The following NAV3 variants were observed in gnomAD, a reference collection of about 807,000 sequenced individuals.
NAV3 encodes the protein pore membrane and/or filament interacting like protein 1.
NAV3 carries 87 observed loss-of-function variants against 244.7 expected under a neutral mutation model. That is an observed-to-expected ratio of 0.36 (90% CI 0.30 to 0.42). The LOEUF (loss-of-function observed/expected upper bound fraction) is 0.42. Ranked by LOEUF, NAV3 falls within the 20% of genes least tolerant of loss-of-function variation. NAV3 has a pLI of 1.00. For synonymous variants in NAV3, 1,126 were observed against 1,042.2 expected, an observed-to-expected ratio of 1.08 and a Z score of -1.55; for missense variants, 2,663 against 2,893.3, an observed-to-expected ratio of 0.92 and a Z score of 1.83.
At chr12:77,900,987 G>C (rs1357727974) in intron 1 of NAV3, among the ~76,000 whole-genome samples, 1 of 152,102 alleles carries the variant, frequency 6.6e-6, no homozygotes, top group African/African-American at 2.4e-5. Flanking sequence ...TGATTAGTGA[G>C]GTGGAACATT....
chr12:77,957,751 G>C (rs1891504475), intron 3 of NAV3, among the ~76,000 whole-genome samples: 1 of 151,674 alleles, frequency 6.6e-6, no homozygotes, highest in Non-Finnish European at 1.5e-5. Context: ...TGCAACCTTT[G>C]CCTCGCAGGT....
At chr12:78,193,429 T>A (rs1404825950) in intron 34 of NAV3, among the ~76,000 whole-genome samples, 2 of 152,164 alleles carry the variant, frequency 1.3e-5, no homozygotes, top group African/African-American at 2.4e-5. Context: ...CCTGATAGAT[T>A]CCTTTTTAGT....
intron 2 of NAV3, among the ~76,000 whole-genome samples, chr12:77,630,616 A>G (rs1443848124): frequency 6.6e-6 from 1 of 152,164 alleles, no homozygotes; most frequent in Non-Finnish European, 1.5e-5. Context: ...TGTGAAATGC[A>G]TTAAAGACGT....
rs539213029 is a variant in NAV3, at chr12:77,888,426, G to A, written c.244-51893G>A. Among the ~76,000 whole-genome samples, 7 of 152,194 alleles carry A rather than the reference G, an allele frequency of 4.6e-5. No individual in the cohort carries two copies. In the East Asian group the frequency reaches 7.7e-4, roughly 17 times the overall value. On this transcript the variant is annotated intron_variant, in intron 1 of 39. Coordinates refer to ENST00000397909, the MANE Select transcript of NAV3 (RefSeq NM_001024383.2). ...TAGGAGGTCAAGACTGCAGTGAGCC[G>A]CGATCATGTCACTGCACTCCAGCCT...
chr12:78,079,077 T>C (rs983426976), intron 12 of NAV3, among the ~76,000 whole-genome samples: 3 of 152,144 alleles, frequency 2.0e-5, no homozygotes, highest in Admixed American at 6.6e-5. Context: ...AAAATAAAAC[T>C]GTTATTTGAA....
chr12:77,686,040 T>C (rs1249327301), intron 2 of NAV3, among the ~76,000 whole-genome samples: 1 of 152,190 alleles, frequency 6.6e-6, no homozygotes, highest in Non-Finnish European at 1.5e-5. Flanking sequence ...TTTGACTCTC[T>C]AGATGTGGAA....
chr12:77,575,546 A>T (rs758068941), intron 2 of NAV3, among the ~76,000 whole-genome samples: 1 of 152,152 alleles, frequency 6.6e-6, no homozygotes, highest in South Asian at 2.1e-4. Context: ...TGTTTGCACA[A>T]TCAAATCCAG....
At chr12:77,619,634 G>A (rs1871282746) in intron 2 of NAV3, among the ~76,000 whole-genome samples, 1 of 152,120 alleles carries the variant, frequency 6.6e-6, no homozygotes. Context: ...GGCATTAATT[G>A]TTTTTGGACT....
At chr12:77,778,469 A>G (rs376980788) in intron 2 of NAV3, among the ~76,000 whole-genome samples, 12 of 151,544 alleles carry the variant, frequency 7.9e-5, no homozygotes, top group Non-Finnish European at 1.5e-4. Context: ...AAAATTAGCC[A>G]GGCATGGTGG....
chr12:78,164,305 C>T (rs914682885), intron 23 of NAV3, among the ~76,000 whole-genome samples: 14 of 151,996 alleles, frequency 9.2e-5, no homozygotes, highest in African/African-American at 3.4e-4. Flanking sequence ...AGTGATGAAG[C>T]TCAGATATTG....
intron 11 of NAV3, chr12:78,052,294 T>C (rs1882870932): frequency 6.6e-6 from 1 of 152,204 alleles, no homozygotes; most frequent in Admixed American, 6.5e-5. Context: ...TACTAGTCCA[T>C]TCCTGGTATC....
At chr12:77,722,257 A>C (rs1328115932) in intron 2 of NAV3, among the ~76,000 whole-genome samples, 1 of 152,086 alleles carries the variant, frequency 6.6e-6, no homozygotes, top group Non-Finnish European at 1.5e-5. Flanking sequence ...CTGGGCTGTG[A>C]CTAACATACT....
chr12:77,808,271 T>C (rs188854616), intron 2 of NAV3, among the ~76,000 whole-genome samples: 2 of 152,274 alleles, frequency 1.3e-5, no homozygotes, highest in Non-Finnish European at 2.9e-5. Flanking sequence ...GTTTTTGGAA[T>C]TTTCTGCCTT....
At chr12:77,587,609 T>G (rs1358423230) in intron 2 of NAV3, among the ~76,000 whole-genome samples, 1 of 152,214 alleles carries the variant, frequency 6.6e-6, no homozygotes, top group Non-Finnish European at 1.5e-5. Context: ...ATTATAGAAG[T>G]TCATTTTCAT....
At chr12:78,190,449 A>G (rs1046958513) in intron 34 of NAV3, among the ~76,000 whole-genome samples, 1 of 152,062 alleles carries the variant, frequency 6.6e-6, no homozygotes, top group African/African-American at 2.4e-5. Flanking sequence ...TATTGGGAAT[A>G]TACAGAATAA....
At chr12:78,162,199 G>A (rs1281630546) in intron 23 of NAV3, among the ~76,000 whole-genome samples, 1 of 152,018 alleles carries the variant, frequency 6.6e-6, no homozygotes, top group East Asian at 1.9e-4. Flanking sequence ...ATTTCTTCAG[G>A]GAGCTGAGAT....
At chr12:77,762,822 T>G (rs1299416721) in intron 2 of NAV3, among the ~76,000 whole-genome samples, 2 of 152,116 alleles carry the variant, frequency 1.3e-5, no homozygotes, top group Admixed American at 6.5e-5. Context: ...TTGTTACTAC[T>G]CTAGACAATA....
At chr12:77,633,894 G>T (rs1392642358) in intron 2 of NAV3, among the ~76,000 whole-genome samples, 1 of 152,096 alleles carries the variant, frequency 6.6e-6, no homozygotes, top group African/African-American at 2.4e-5. Context: ...ACATTTTCGT[G>T]TTAAATTCTC....
chr12:78,004,210 G>A (rs1233726378), intron 7 of NAV3, among the ~76,000 whole-genome samples: 1 of 152,082 alleles, frequency 6.6e-6, no homozygotes, highest in East Asian at 1.9e-4. Flanking sequence ...TAAGCATATT[G>A]TAGATTATTA....
Sources: allele counts gnomAD v4.1 joint callset (sites outside exome capture counted in the v4.1 genomes callset), GRCh38; gene constraint gnomAD v4.1.1; transcripts MANE v1.5; gene names NCBI Gene and HGNC (gene_info 2026-07-23, HGNC 2026-07-21).